Variants in CCDC195 observed in about 807,000 individuals in gnomAD.
The protein encoded by CCDC195 is coiled-coil domain-containing protein 195.
intron 1 of CCDC195, among the ~76,000 whole-genome samples, chr2:224,714,092 C>T (rs1006042459): frequency 6.6e-5 from 10 of 152,080 alleles, no homozygotes; most frequent in African/African-American, 1.2e-4. Flanking sequence ...CTCCTGCCTT[C>T]GCCTCCCAAA....
chr2:224,708,103 C>T lies in CCDC195; in HGVS notation c.482+1870G>A, dbSNP rs908034210. 2.0e-5 allele frequency among the ~76,000 whole-genome samples: 3 copies of T among 151,714 alleles called. No individual in the cohort carries two copies. In the South Asian group the frequency reaches 6.3e-4, roughly 32 times the overall value. On this transcript the variant is annotated intron_variant, in intron 2 of 2. Transcript: ENST00000638102. ...CTCCTGGGCTCAAGGGATTTGCCCA[C>T]CTCAGCCTCCAAAAGTGCTGGAATT...
chr2:224,710,213 A>ACATTG lies in CCDC195; in HGVS notation c.237_241dup (p.Val81AlafsTer4), dbSNP rs1237601721. The ACATTG allele has an allele frequency of 1.0e-3, 415 of 398,506 alleles. No homozygotes were observed. The highest frequency in any genetic ancestry group is 1.6e-3 in the Non-Finnish European group (358 of 226,060). The allele number at this position is 398,506 out of a possible 1,614,324, so 24.7% of individuals were successfully genotyped here. A position where few individuals can be genotyped will look rare whatever the true frequency, so the allele number is the denominator to read the frequency against. ...AATGGAATAGCGTCTAACAATCATG[A>ACATTG]CATTGCCTGTACAAAAGACACAAAA... is the stretch of plus-strand genomic sequence containing the variant. On this transcript the variant is annotated frameshift_variant, in exon 2 of 3. Transcript: ENST00000638102. LOFTEE classifies it high-confidence loss of function.
intron 1 of CCDC195, among the ~76,000 whole-genome samples, 185 bp downstream of exon 1, chr2:224,715,946 T>C (rs900824033): frequency 6.6e-6 from 1 of 152,250 alleles, no homozygotes; most frequent in African/African-American, 2.4e-5. Context: ...CTATAATGTG[T>C]TGCTTGAAGA....
At chr2:224,715,160 C>T (rs948083119) in intron 1 of CCDC195, among the ~76,000 whole-genome samples, 4 of 152,126 alleles carry the variant, frequency 2.6e-5, no homozygotes, top group African/African-American at 9.7e-5. Flanking sequence ...ATCTCTTGAC[C>T]TCATCACCCA....
chr2:224,707,323 C>T (rs1401120286), intron 2 of CCDC195, among the ~76,000 whole-genome samples: 2 of 152,230 alleles, frequency 1.3e-5, no homozygotes, highest in Non-Finnish European at 2.9e-5. Flanking sequence ...TGGCTCTCTG[C>T]CTACCTGTCC....
chr2:224,708,276 A>G (rs983884964), intron 2 of CCDC195, among the ~76,000 whole-genome samples: 2 of 152,262 alleles, frequency 1.3e-5, no homozygotes, highest in African/African-American at 4.8e-5. Flanking sequence ...AAATATTTAC[A>G]GAATATTTTG....
chr2:224,710,002 T>C (rs1199573092), exon 2 of CCDC195: 1 of 398,604 alleles, frequency 2.5e-6, no homozygotes, highest in Non-Finnish European at 4.4e-6. Flanking sequence ...CAGGAGAAGC[T>C]CTTTGGCTGG....
chr2:224,713,645 G>C (rs959831761), intron 1 of CCDC195, among the ~76,000 whole-genome samples: 4 of 152,104 alleles, frequency 2.6e-5, no homozygotes, highest in African/African-American at 9.7e-5. Flanking sequence ...TACATTACTT[G>C]CTATTATAAT....
At chr2:224,708,917 C>G (rs1343959536) in intron 2 of CCDC195, among the ~76,000 whole-genome samples, 1 of 151,990 alleles carries the variant, frequency 6.6e-6, no homozygotes, top group Non-Finnish European at 1.5e-5. Flanking sequence ...GGTAGGGATG[C>G]AGAGTGTGGG....
At chr2:224,714,348 G>A (rs1366320932) in intron 1 of CCDC195, among the ~76,000 whole-genome samples, 2 of 152,210 alleles carry the variant, frequency 1.3e-5, no homozygotes, top group Non-Finnish European at 1.5e-5. Flanking sequence ...AGGACAGTTA[G>A]TTCTAAGATG....
exon 1 of CCDC195, chr2:224,716,131 C>G (rs1296145809): frequency 2.5e-6 from 1 of 398,514 alleles, no homozygotes; most frequent in Non-Finnish European, 4.4e-6. Context: ...GTTTGGGTAC[C>G]TTGGTGTTCC....
At chr2:224,714,134 T>A (rs1428746304) in intron 1 of CCDC195, among the ~76,000 whole-genome samples, 2 of 152,136 alleles carry the variant, frequency 1.3e-5, no homozygotes, top group Admixed American at 1.3e-4. Context: ...GCCACCATGC[T>A]TGGCCTCACC....
intron 2 of CCDC195, among the ~76,000 whole-genome samples, chr2:224,706,133 T>C (rs1224242028): frequency 1.3e-5 from 2 of 150,900 alleles, no homozygotes; most frequent in Non-Finnish European, 2.9e-5. Context: ...AGTGGGATTA[T>C]GAAGAGTTTT....
At chr2:224,704,545 T>C (rs1351430670) in intron 2 of CCDC195, among the ~76,000 whole-genome samples, 1 of 151,236 alleles carries the variant, frequency 6.6e-6, no homozygotes, top group Non-Finnish European at 1.5e-5. Context: ...GTAATTTCAC[T>C]GAATGACATT....
intron 1 of CCDC195, among the ~76,000 whole-genome samples, chr2:224,715,913 A>G (rs1387199587): frequency 6.6e-6 from 1 of 152,178 alleles, no homozygotes. Flanking sequence ...TTCCCAGCAA[A>G]TATGGAAGTA....
intron 2 of CCDC195, among the ~76,000 whole-genome samples, chr2:224,709,495 A>C (rs919275384): frequency 6.6e-6 from 1 of 152,162 alleles, no homozygotes; most frequent in African/African-American, 2.4e-5. Context: ...TAATTTTTTA[A>C]AACAATTTCC....
exon 2 of CCDC195, chr2:224,709,983 A>C (rs901683451): frequency 1.8e-5 from 7 of 398,494 alleles, no homozygotes; most frequent in Non-Finnish European, 2.7e-5. Context: ...CTGCAACCAC[A>C]AACATGCTCA....
intron 1 of CCDC195, among the ~76,000 whole-genome samples, chr2:224,712,367 C>T (rs1286755114): frequency 4.6e-5 from 7 of 152,164 alleles, no homozygotes; most frequent in African/African-American, 1.2e-4. Context: ...CAAGAGGGGC[C>T]GGGAAACATC....
intron 1 of CCDC195, among the ~76,000 whole-genome samples, chr2:224,712,210 G>A (rs1034126643): frequency 1.3e-5 from 2 of 152,130 alleles, no homozygotes; most frequent in African/African-American, 4.8e-5. Context: ...AGCATCACAG[G>A]CTCATTAGAA....
Sources: allele counts gnomAD v4.1 joint callset (sites outside exome capture counted in the v4.1 genomes callset), GRCh38; gene constraint gnomAD v4.1.1; transcripts MANE v1.5; gene names NCBI Gene and HGNC (gene_info 2026-07-23, HGNC 2026-07-21).